Variants in UNC13C observed in about 807,000 individuals in gnomAD.
UNC13C encodes the protein protein unc-13 homolog C.
Under a neutral mutation model 245.4 loss-of-function variants are expected in UNC13C, and 174 were observed. The observed-to-expected ratio is 0.71, with a 90% CI of 0.63 to 0.80. UNC13C has a LOEUF of 0.80. Ranked by LOEUF, UNC13C falls within the 30% of genes least tolerant of loss-of-function variation. The pLI, the probability that UNC13C is intolerant of heterozygous loss-of-function variation, is 0.00. For missense variants in UNC13C, 2,829 were observed against 2,602.9 expected, an observed-to-expected ratio of 1.09 and a Z score of -1.89; for synonymous variants, 992 against 895.1, an observed-to-expected ratio of 1.11 and a Z score of -1.93.
At chr15:54,212,627 T>C (rs1044102693) in intron 4 of UNC13C, among the ~76,000 whole-genome samples, 1 of 152,066 alleles carries the variant, frequency 6.6e-6, no homozygotes, top group Non-Finnish European at 1.5e-5. Context: ...ATCTACATAG[T>C]TTTTCTCCCT....
chr15:53,842,517 G>T, the UNC13C span, among the ~76,000 whole-genome samples: 1 of 152,126 alleles, frequency 6.6e-6, no homozygotes, highest in African/African-American at 2.4e-5. Context: ...GGTCAGGATG[G>T]ACTTGGATTA....
intron 16 of UNC13C, among the ~76,000 whole-genome samples, chr15:54,334,790 T>A (rs1162262923): frequency 3.3e-5 from 5 of 152,124 alleles, no homozygotes; most frequent in African/African-American, 1.2e-4. Flanking sequence ...CCCAATCAAG[T>A]TGACTTAGAT....
intron 22 of UNC13C, among the ~76,000 whole-genome samples, chr15:54,504,795 A>G (rs1197127680): frequency 1.3e-5 from 2 of 152,182 alleles, no homozygotes; most frequent in African/African-American, 4.8e-5. Context: ...CTCACTGATC[A>G]TAAGAGCAGT....
intron 13 of UNC13C, among the ~76,000 whole-genome samples, chr15:54,311,645 T>C (rs900941324): frequency 1.3e-5 from 2 of 151,738 alleles, no homozygotes; most frequent in African/African-American, 4.8e-5. Flanking sequence ...ATTCTTGATA[T>C]ATTTTACTAA....
the UNC13C span, among the ~76,000 whole-genome samples, chr15:53,902,673 A>G: frequency 6.6e-6 from 1 of 152,180 alleles, no homozygotes; most frequent in Non-Finnish European, 1.5e-5. Context: ...AAGGGGGTAT[A>G]TAATTCATTG....
intron 30 of UNC13C, among the ~76,000 whole-genome samples, chr15:54,572,194 C>T (rs1897786461): frequency 6.6e-6 from 1 of 151,996 alleles, no homozygotes; most frequent in Non-Finnish European, 1.5e-5. Flanking sequence ...CCTCTATGTA[C>T]ACCTCTCCTT....
chr15:54,199,368 T>G (rs1020517421), intron 4 of UNC13C, among the ~76,000 whole-genome samples: 1 of 152,060 alleles, frequency 6.6e-6, no homozygotes, highest in African/African-American at 2.4e-5. Context: ...TGTAAAATGA[T>G]TATCCCCTAG....
At chr15:54,080,956 T>G (rs956750122) in intron 2 of UNC13C, among the ~76,000 whole-genome samples, 1 of 152,078 alleles carries the variant, frequency 6.6e-6, no homozygotes, top group Non-Finnish European at 1.5e-5. Flanking sequence ...CGCTATAAAA[T>G]TTCCTCTTAA....
At chr15:53,886,234 TA>T in the UNC13C span, among the ~76,000 whole-genome samples, 2 of 152,156 alleles carry the variant, frequency 1.3e-5, no homozygotes, top group South Asian at 4.1e-4. Flanking sequence ...CAAAAAGAAA[TA>T]GAGCTTCTGG....
chr15:54,456,564 T>A (rs1359140861), intron 19 of UNC13C, among the ~76,000 whole-genome samples: 1 of 151,394 alleles, frequency 6.6e-6, no homozygotes, highest in African/African-American at 2.4e-5. Context: ...ATCTTTCACC[T>A]CTTTTGTTAG....
Position 54,143,039 on chromosome 15 carries a change from AGGTTT to A in UNC13C, c.3006_3006+4del. 6.2e-7 allele frequency: 1 copy of A among 1,611,206 alleles called. No individual in the cohort carries two copies. The highest frequency in any genetic ancestry group is 8.5e-7 in the Non-Finnish European group (1 of 1,178,736). Reference sequence around the variant, plus strand: ...TCAGATAGCAGTTCTGTGGATGAAAAGGTTTTAAATCATACTTATTCTTCCCTCCT... The same window carrying A: ...TCAGATAGCAGTTCTGTGGATGAAAATAAATCATACTTATTCTTCCCTCCT... On this transcript the variant is annotated splice_donor_variant and splice_donor_region_variant and coding_sequence_variant and intron_variant, in exon 3 of 33. Coordinates refer to ENST00000260323, the MANE Select transcript of UNC13C (RefSeq NM_001080534.3). LOFTEE classifies it high-confidence loss of function.
At chr15:54,156,059 A>T (rs2032730567) in intron 4 of UNC13C, among the ~76,000 whole-genome samples, 1 of 152,240 alleles carries the variant, frequency 6.6e-6, no homozygotes, top group African/African-American at 2.4e-5. Context: ...GTGAAAAATG[A>T]CTCAGTTATT....
chr15:54,363,698 G>A (rs1596285513), intron 17 of UNC13C, among the ~76,000 whole-genome samples: 1 of 152,260 alleles, frequency 6.6e-6, no homozygotes. Context: ...GGAGCAAGTA[G>A]AACAGCTATA....
the UNC13C span, among the ~76,000 whole-genome samples, chr15:53,902,228 C>G: frequency 6.6e-6 from 1 of 152,064 alleles, no homozygotes; most frequent in Non-Finnish European, 1.5e-5. Flanking sequence ...TTTTAGGAAC[C>G]ATTCTCCTTG....
intron 14 of UNC13C, among the ~76,000 whole-genome samples, chr15:54,325,565 C>T (rs1339725183): frequency 6.6e-6 from 1 of 151,976 alleles, no homozygotes; most frequent in African/African-American, 2.4e-5. Context: ...CCCCCAGCCC[C>T]TCACCCCTCG....
chr15:54,059,517 A>T (rs1232078226), intron 2 of UNC13C, among the ~76,000 whole-genome samples: 3 of 152,224 alleles, frequency 2.0e-5, no homozygotes, highest in Non-Finnish European at 4.4e-5. Context: ...AAGAATCAAT[A>T]TCGTGAAAAT....
intron 2 of UNC13C, among the ~76,000 whole-genome samples, chr15:54,024,773 G>T (rs972852539): frequency 2.6e-5 from 4 of 151,992 alleles, no homozygotes; most frequent in Non-Finnish European, 5.9e-5. Flanking sequence ...AAATTAGCCG[G>T]GCGTGGTCCC....
At chr15:54,470,502 T>C (rs1239302422) in intron 19 of UNC13C, among the ~76,000 whole-genome samples, 1 of 151,614 alleles carries the variant, frequency 6.6e-6, no homozygotes, top group African/African-American at 2.4e-5. Context: ...CTTTATCCAT[T>C]TCTTTCAGGT....
At chr15:53,958,274 T>A in the UNC13C span, among the ~76,000 whole-genome samples, 11 of 152,296 alleles carry the variant, frequency 7.2e-5, no homozygotes, top group African/African-American at 2.6e-4. Context: ...GCAACATCCC[T>A]TCTCCCGAAA....
Sources: gnomAD v4.1 joint callset for allele counts (sites outside exome capture counted in the v4.1 genomes callset) on GRCh38, gnomAD v4.1.1 for gene constraint, MANE v1.5 for transcripts, NCBI Gene and HGNC (gene_info 2026-07-23, HGNC 2026-07-21) for gene names.